Variants in TMEM132D observed in about 807,000 individuals in gnomAD.
TMEM132D encodes the protein mature OL transmembrane protein.
A neutral mutation model predicts 62.3 loss-of-function variants in TMEM132D; 21 were observed. The ratio of observed to expected loss-of-function variants is 0.34; its 90% CI spans 0.24 to 0.49. TMEM132D has a LOEUF of 0.49. Ranked by LOEUF, TMEM132D falls within the 20% of genes least tolerant of loss-of-function variation. The pLI, the probability that TMEM132D is intolerant of heterozygous loss-of-function variation, is 0.99. For missense variants in TMEM132D, 1,346 were observed against 1,402.8 expected, an observed-to-expected ratio of 0.96 and a Z score of 0.65; for synonymous variants, 621 against 575.6, an observed-to-expected ratio of 1.08 and a Z score of -1.13.
chr12:129,190,726 G>C (rs76966527), intron 5 of TMEM132D, among the ~76,000 whole-genome samples: 3,332 of 152,284 alleles, frequency 0.022, 120 homozygotes, highest in African/African-American at 0.074. Flanking sequence ...TTTTAGCCCA[G>C]CGCAACTCAG....
intron 2 of TMEM132D, among the ~76,000 whole-genome samples, chr12:129,627,083 T>C (rs1454604393): frequency 6.6e-6 from 1 of 152,090 alleles, no homozygotes; most frequent in Non-Finnish European, 1.5e-5. Flanking sequence ...ACAGGTGAAT[T>C]GAGACGATGG....
intron 3 of TMEM132D, among the ~76,000 whole-genome samples, chr12:129,346,936 A>G (rs1258283059): frequency 3.9e-5 from 6 of 152,188 alleles, no homozygotes; most frequent in Non-Finnish European, 7.3e-5. Flanking sequence ...GAACCAAGTC[A>G]TGAATGAACC....
chr12:129,708,372 C>T (rs1881554686), intron 1 of TMEM132D, among the ~76,000 whole-genome samples: 2 of 152,198 alleles, frequency 1.3e-5, no homozygotes, highest in South Asian at 4.2e-4. Flanking sequence ...GACCCTTCAC[C>T]AGCTAAATAC....
intron 1 of TMEM132D, among the ~76,000 whole-genome samples, chr12:129,764,957 C>A (rs1383282655): frequency 6.6e-6 from 1 of 152,044 alleles, no homozygotes; most frequent in Non-Finnish European, 1.5e-5. Context: ...AAAAAGAAAA[C>A]ACCCCACTTA....
chr12:129,404,318 C>A (rs986170552), intron 3 of TMEM132D, among the ~76,000 whole-genome samples: 29 of 152,120 alleles, frequency 1.9e-4, no homozygotes, highest in Non-Finnish European at 4.3e-4. Flanking sequence ...CCTGCCTCAG[C>A]CTCCCAAGTA....
At chr12:129,672,345 G>A (rs1880520055) in intron 2 of TMEM132D, among the ~76,000 whole-genome samples, 1 of 152,180 alleles carries the variant, frequency 6.6e-6, no homozygotes, top group Non-Finnish European at 1.5e-5. Context: ...GGATGTGAAG[G>A]ATGGCAGAGC....
At chr12:129,839,807 G>A (rs1873127112) in intron 1 of TMEM132D, 1 of 152,192 alleles carries the variant, frequency 6.6e-6, no homozygotes, top group Non-Finnish European at 1.5e-5. Context: ...AGGAACCACT[G>A]GGTGCTGTGC....
At chr12:129,392,966 G>T (rs1334461155) in intron 3 of TMEM132D, among the ~76,000 whole-genome samples, 1 of 152,228 alleles carries the variant, frequency 6.6e-6, no homozygotes. Flanking sequence ...CCCACCTGGA[G>T]AGAGCAACCT....
intron 2 of TMEM132D, among the ~76,000 whole-genome samples, chr12:129,580,473 T>C (rs763603189): frequency 1.1e-4 from 16 of 152,160 alleles, no homozygotes; most frequent in Non-Finnish European, 1.9e-4. Context: ...TCATCTTCAT[T>C]TAGTAACAGA....
chr12:129,167,147 G>A (rs2135544562), intron 5 of TMEM132D, among the ~76,000 whole-genome samples: 1 of 139,644 alleles, frequency 7.2e-6, no homozygotes, highest in Admixed American at 7.2e-5. Flanking sequence ...GTGATAGAGT[G>A]AGACTCTGTT....
intron 1 of TMEM132D, among the ~76,000 whole-genome samples, chr12:129,768,262 GATT>G (rs1324858488): frequency 6.6e-6 from 1 of 151,962 alleles, no homozygotes; most frequent in African/African-American, 2.4e-5. Flanking sequence ...ATCATATATT[GATT>G]CTACTTTTAA....
intron 1 of TMEM132D, among the ~76,000 whole-genome samples, chr12:129,783,686 G>GA (rs1871181836): frequency 6.6e-6 from 1 of 152,174 alleles, no homozygotes; most frequent in Non-Finnish European, 1.5e-5. Context: ...AGAATATTTT[G>GA]GTTTGAGCCC....
At chr12:129,404,051 C>T (rs1328828352) in intron 3 of TMEM132D, among the ~76,000 whole-genome samples, 2 of 151,966 alleles carry the variant, frequency 1.3e-5, no homozygotes, top group African/African-American at 4.8e-5. Context: ...AATTGTACAG[C>T]CTTGAGAAAG....
intron 1 of TMEM132D, among the ~76,000 whole-genome samples, chr12:129,882,966 T>G (rs1593198088): frequency 6.6e-6 from 1 of 152,144 alleles, no homozygotes; most frequent in Non-Finnish European, 1.5e-5. Context: ...AGTTTGGGAA[T>G]AGAGAAAAGA....
At chr12:129,119,064 C>T (rs1033568009) in intron 5 of TMEM132D, among the ~76,000 whole-genome samples, 8 of 152,146 alleles carry the variant, frequency 5.3e-5, no homozygotes, top group Non-Finnish European at 1.5e-5. Flanking sequence ...TAAGCATTTT[C>T]CATTGGCTGT....
rs186461037 is a variant in TMEM132D at position 129,272,147 on chromosome 12, C to A, written c.1300-62484G>T. ...TGATGCTACAATGAGGAAAAGAATA[C>A]CCAAGCCACACAGTGCTTTGCTATT... On this transcript the variant is annotated intron_variant, in intron 4 of 8. Coordinates refer to ENST00000422113, the MANE Select transcript of TMEM132D (RefSeq NM_133448.3). 3.6e-3 allele frequency among the ~76,000 whole-genome samples: 546 copies of A among 151,930 alleles called. 3 individuals carry two copies. Among genetic ancestry groups the A allele is most frequent in the Non-Finnish European group, 5.8e-3 (396 of 68,026 alleles).
chr12:129,235,669 A>G (rs1485381867), intron 4 of TMEM132D, among the ~76,000 whole-genome samples: 1 of 152,118 alleles, frequency 6.6e-6, no homozygotes, highest in Non-Finnish European at 1.5e-5. Flanking sequence ...TACTCAACCT[A>G]TACGTTTCTG....
chr12:129,450,216 C>G (rs1032911220), intron 3 of TMEM132D, among the ~76,000 whole-genome samples: 3 of 152,126 alleles, frequency 2.0e-5, no homozygotes, highest in Non-Finnish European at 4.4e-5. Context: ...TAATTAGATC[C>G]CATTTGTCAA....
intron 1 of TMEM132D, among the ~76,000 whole-genome samples, chr12:129,741,307 A>C (rs1478506269): frequency 6.6e-6 from 1 of 152,168 alleles, no homozygotes; most frequent in Non-Finnish European, 1.5e-5. Flanking sequence ...TCTGTCAACT[A>C]TGGGTATTAA....
Sources: gnomAD v4.1 joint callset for allele counts (sites outside exome capture counted in the v4.1 genomes callset) on GRCh38, gnomAD v4.1.1 for gene constraint, MANE v1.5 for transcripts, NCBI Gene and HGNC (gene_info 2026-07-23, HGNC 2026-07-21) for gene names.